Variants in PHIP observed in about 807,000 individuals in gnomAD.
PHIP encodes the protein PHIP subunit of CUL4-Ring ligase complex, also known as PH-interacting protein.
A neutral mutation model predicts 236.8 loss-of-function variants in PHIP; 54 were observed. The ratio of observed to expected loss-of-function variants is 0.23; its 90% CI spans 0.18 to 0.29. The LOEUF is 0.29. Among genes scored for constraint, PHIP ranks in the 10% least tolerant of loss-of-function variants. The pLI, the probability that PHIP is intolerant of heterozygous loss-of-function variation, is 1.00. For missense variants in PHIP, 1,370 were observed against 2,190.8 expected (o/e 0.63, Z 7.48); for synonymous variants, 756 against 718.9 (o/e 1.05, Z -0.83).
At chr6:79,069,904 GATA>G (rs1773802364) in intron 4 of PHIP, among the ~76,000 whole-genome samples, 2 of 151,980 alleles carry the variant, frequency 1.3e-5, no homozygotes, top group African/African-American at 4.8e-5. Flanking sequence ...AATTCATTTA[GATA>G]ATAATTCAGT....
intron 10 of PHIP, 115 bp downstream of exon 10, chr6:79,018,974 T>A: frequency 1.5e-6 from 1 of 681,256 alleles, no homozygotes. Context: ...CTGGCATATG[T>A]ATAAGAACAT....
chr6:78,967,202 G>A (rs1767199403), intron 27 of PHIP, among the ~76,000 whole-genome samples: 1 of 152,118 alleles, frequency 6.6e-6, no homozygotes, highest in Non-Finnish European at 1.5e-5. Flanking sequence ...TGATAAAAAA[G>A]AAAATTGGAG....
At chr6:79,077,625 CGGCGGCAGCGGCGGCGCAGCGGCCCAGA>C in intron 3 of PHIP, 47 bp downstream of exon 3, 3 of 892,190 alleles carry the variant, frequency 3.4e-6, no homozygotes, top group Non-Finnish European at 4.0e-6. Flanking sequence ...GCCCTGCCGG[CGGCGGCAGCGGCGGCGCAGCGGCCCAGA>C]GGCGGCCGCG....
chr6:78,959,211 C>T (rs529826792), intron 31 of PHIP, among the ~76,000 whole-genome samples: 14 of 152,010 alleles, frequency 9.2e-5, no homozygotes, highest in Admixed American at 9.2e-4. Flanking sequence ...AATAAAAATC[C>T]AAGGACAACT....
chr6:79,059,625 A>AT (rs1562216779), intron 6 of PHIP, among the ~76,000 whole-genome samples: 4,900 of 55,516 alleles, frequency 0.088, 134 homozygotes, highest in South Asian at 0.12. Context: ...ATATATATAT[A>AT]AAAATGCCAA....
intron 6 of PHIP, among the ~76,000 whole-genome samples, chr6:79,055,195 T>G (rs1332874943): frequency 6.6e-6 from 1 of 152,086 alleles, no homozygotes; most frequent in Non-Finnish European, 1.5e-5. Flanking sequence ...GATAAAAAGT[T>G]TACTTTGCTA....
intron 27 of PHIP, among the ~76,000 whole-genome samples, chr6:78,968,176 T>C (rs906286854): frequency 1.4e-4 from 21 of 152,308 alleles, no homozygotes; most frequent in African/African-American, 4.6e-4. Flanking sequence ...AAGTAATGTA[T>C]GTGAAAAATT....
intron 24 of PHIP, among the ~76,000 whole-genome samples, chr6:78,972,408 T>C (rs1165438484): frequency 6.6e-6 from 1 of 151,952 alleles, no homozygotes; most frequent in African/African-American, 2.4e-5. Context: ...AAAAAGTAGA[T>C]AAAACCACAA....
In PHIP at chr6:78,994,065, G is replaced by A. The variant is rs75119135; in HGVS notation, c.2202-3080C>T. On this transcript the variant is annotated intron_variant, in intron 19 of 39. Coordinates refer to ENST00000275034, the MANE Select transcript of PHIP (RefSeq NM_017934.7). ...CTCATAGATGATTCCGAAGGCTGAAGACATCAGTGGAAGAAGTTACTGTAG... is the reference window on the plus strand; with the variant it reads ...CTCATAGATGATTCCGAAGGCTGAAAACATCAGTGGAAGAAGTTACTGTAG... Among the ~76,000 whole-genome samples, 90 of 152,272 alleles carry A rather than the reference G, an allele frequency of 5.9e-4. 4 individuals carry two copies. In the East Asian group the frequency reaches 7.3e-3, roughly 12 times the overall value.
At chr6:79,077,768 C>T (rs1220246226) in intron 2 of PHIP, 39 bp from the exon 3 acceptor site, 4 of 980,686 alleles carry the variant, frequency 4.1e-6, no homozygotes, top group Non-Finnish European at 4.8e-6. Context: ...CCCCGCGCCC[C>T]GGGCCGCGGC....
At chr6:79,041,089 ATATTT>A (rs1772186540) in intron 7 of PHIP, among the ~76,000 whole-genome samples, 1 of 152,130 alleles carries the variant, frequency 6.6e-6, no homozygotes, top group South Asian at 2.1e-4. Context: ...AGCTGGATAA[ATATTT>A]TAGGCTTTGC....
At position 79,026,158 on chromosome 6, in the gene PHIP, C is replaced by T; in HGVS notation, c.607G>A (p.Asp203Asn). The T allele has an allele frequency of 6.2e-7, 1 of 1,610,564 alleles. No individual in the cohort carries two copies. Among genetic ancestry groups the T allele is most frequent in the Non-Finnish European group, 8.5e-7 (1 of 1,176,862 alleles). Reference sequence around the variant, plus strand: ...GCCCATATTTTCACAAGACAGTCATCAGAACCCTTAAAGTAAGAATGGATA... The same window carrying T: ...GCCCATATTTTCACAAGACAGTCATTAGAACCCTTAAAGTAAGAATGGATA... ...RTGRRIFTGS[D>N]DCLVKIWATD... Residue 203 changes from aspartate (D) to asparagine (N), a missense_variant, in exon 8 of 40, where the codon GAT (aspartate) becomes AAT (asparagine). By Grantham distance (23) the Asp-to-Asn change is conservative. Transcript: ENST00000275034.
chr6:79,006,317 A>G (rs188768817), intron 15 of PHIP, among the ~76,000 whole-genome samples: 230 of 152,112 alleles, frequency 1.5e-3, no homozygotes, highest in African/African-American at 4.9e-3. Flanking sequence ...AGGCTTCCAA[A>G]CAGTTGATGA....
chr6:78,997,622 A>G (rs974694490), intron 18 of PHIP, 25 bp from the exon 19 acceptor site: 23 of 1,554,538 alleles, frequency 1.5e-5, no homozygotes, highest in Non-Finnish European at 2.0e-5. Context: ...TACTATATTA[A>G]GTTCTACTTA....
Position 79,078,096 on chromosome 6 carries a change from C to T in PHIP, c.-28G>A. 1 of 1,604,692 alleles carries T rather than the reference C, an allele frequency of 6.2e-7. No homozygotes were observed. Among genetic ancestry groups the T allele is most frequent in the Non-Finnish European group, 8.5e-7 (1 of 1,177,274 alleles). ...TTATGGGTCACTTCAGGGCCGCCGACGGGACACCCCGCCGCCGAGGGGAAG... is the reference window on the plus strand; with the variant it reads ...TTATGGGTCACTTCAGGGCCGCCGATGGGACACCCCGCCGCCGAGGGGAAG... On this transcript the variant is annotated 5_prime_UTR_variant, in exon 1 of 40. Coordinates refer to ENST00000275034, the MANE Select transcript of PHIP (RefSeq NM_017934.7).
chr6:79,066,390 G>C (rs1773621713), intron 4 of PHIP, among the ~76,000 whole-genome samples: 2 of 152,054 alleles, frequency 1.3e-5, no homozygotes, highest in African/African-American at 4.8e-5. Context: ...AAAAATTATA[G>C]AATTTATTTA....
At chr6:78,989,106 T>C (rs1769053598) in intron 20 of PHIP, among the ~76,000 whole-genome samples, 1 of 151,912 alleles carries the variant, frequency 6.6e-6, no homozygotes, top group East Asian at 1.9e-4. Flanking sequence ...AAAAACTTAA[T>C]AAAGCTATCT....
intron 21 of PHIP, among the ~76,000 whole-genome samples, chr6:78,985,907 T>C (rs1261618673): frequency 2.0e-5 from 3 of 152,138 alleles, no homozygotes; most frequent in African/African-American, 7.2e-5. Flanking sequence ...TACCTTTTTT[T>C]CACAAATAAA....
At position 78,965,950 on chromosome 6, in the gene PHIP, A is replaced by G; in HGVS notation, c.3312T>C (p.Asn1104=). 1 of 1,596,840 alleles carries G rather than the reference A, an allele frequency of 6.3e-7. No homozygotes were observed. The highest frequency in any genetic ancestry group is 8.6e-7 in the Non-Finnish European group (1 of 1,164,200). The change falls in exon 28 of 40, where the codon AAT becomes AAC. Residue 1104 remains asparagine, a synonymous_variant. Transcript: ENST00000275034. ...EYPDSLFQCY[N]VCWDNGDTEK... is the part of the protein sequence containing the mutation. ...TACAACAAATATTTCCTTACCAAAC[A>G]TTGTAGCATTGAAACAGACTATCAG...
Sources: allele counts gnomAD v4.1 joint callset (sites outside exome capture counted in the v4.1 genomes callset), GRCh38; gene constraint gnomAD v4.1.1; transcripts MANE v1.5; gene names NCBI Gene and HGNC (gene_info 2026-07-23, HGNC 2026-07-21).